ANAPC2: variants seen among roughly 807,000 people sequenced by gnomAD.
ANAPC2 encodes anaphase promoting complex subunit 2, also known as anaphase-promoting complex subunit 2.
A neutral mutation model predicts 84.3 loss-of-function variants in ANAPC2; 29 were observed. That is an observed-to-expected ratio of 0.34 (90% CI 0.26 to 0.47). The LOEUF (loss-of-function observed/expected upper bound fraction) is 0.47. ANAPC2 is among the 20% of genes least tolerant of loss of function. The pLI is 1.00. For synonymous variants in ANAPC2, 571 were observed against 479.4 expected (o/e 1.19, Z -2.50); for missense variants, 857 against 1,131.7 (o/e 0.76, Z 3.48).
At chr9:137,185,586 C>T (rs1241148506) in intron 3 of ANAPC2, among the ~76,000 whole-genome samples, 3 of 152,340 alleles carry the variant, frequency 2.0e-5, no homozygotes, top group Admixed American at 2.0e-4. Context: ...TCTTGCCCAC[C>T]GCTTTGGGGA....
rs779533020 is a variant in ANAPC2 at position 137,180,543 on chromosome 9, T to C, written c.1611-16A>G. On this transcript the variant is annotated splice_polypyrimidine_tract_variant and intron_variant, in intron 8 of 12. Transcript: ENST00000323927. ...GCGGATCTCCCTGGAAAGACGAGTGTCTGGGCAGGGGGTCGTGATGAGCCC... is the reference window on the plus strand; with the variant it reads ...GCGGATCTCCCTGGAAAGACGAGTGCCTGGGCAGGGGGTCGTGATGAGCCC... The C allele has an allele frequency of 4.3e-6, 7 of 1,612,738 alleles. No homozygotes were observed. Among genetic ancestry groups the C allele is most frequent in the Non-Finnish European group, 5.9e-6 (7 of 1,179,804 alleles).
At chr9:137,183,844 C>A (rs1197240947) in intron 4 of ANAPC2, 53 bp from the exon 5 acceptor site, 3 of 1,595,764 alleles carry the variant, frequency 1.9e-6, no homozygotes, top group African/African-American at 2.7e-5. Flanking sequence ...TGCGCACGTG[C>A]AGGCTGGTGC....
At position 137,175,850 on chromosome 9, in the gene ANAPC2, A is replaced by C; in HGVS notation, c.1891-13T>G. The C allele has an allele frequency of 6.3e-7, 1 of 1,597,862 alleles. No individual in the cohort carries two copies. The highest frequency in any genetic ancestry group is 8.5e-7 in the Non-Finnish European group (1 of 1,172,014). On this transcript the variant is annotated splice_polypyrimidine_tract_variant and intron_variant, in intron 10 of 12. Coordinates refer to ENST00000323927, the MANE Select transcript of ANAPC2 (RefSeq NM_013366.4). ...GGGTCCGCATGGCCTAAGGAGGGCCAGGGTCAGCACGGGCAGCTCGGCTGC... is the reference window on the plus strand; with the variant it reads ...GGGTCCGCATGGCCTAAGGAGGGCCCGGGTCAGCACGGGCAGCTCGGCTGC...
chr9:137,183,572 A>G, intron 5 of ANAPC2, 100 bp downstream of exon 5: 1 of 1,490,698 alleles, frequency 6.7e-7, no homozygotes, highest in Non-Finnish European at 8.9e-7. Flanking sequence ...TTAGACCTAC[A>G]AGTCCAGGGC....
intron 5 of ANAPC2, 75 bp downstream of exon 5, chr9:137,183,597 C>T: frequency 1.3e-6 from 2 of 1,546,452 alleles, no homozygotes; most frequent in South Asian, 2.4e-5. Flanking sequence ...AGACTAGGCC[C>T]CAGGCTCCCT....
intron 3 of ANAPC2, 76 bp downstream of exon 3, chr9:137,186,148 G>A: frequency 6.3e-7 from 1 of 1,578,292 alleles, no homozygotes; most frequent in Non-Finnish European, 8.6e-7. Flanking sequence ...GGATGCTTCT[G>A]AAGCCAGGTG....
At chr9:137,181,439 G>A (rs1834340456) in intron 7 of ANAPC2, among the ~76,000 whole-genome samples, 1 of 152,256 alleles carries the variant, frequency 6.6e-6, no homozygotes, top group Middle Eastern at 3.4e-3. Context: ...GCTCACAAGC[G>A]GTGGGAGGCA....
rs202008626 is a variant in ANAPC2, at chr9:137,184,919, C to T, written c.1042G>A (p.Val348Ile). 7.4e-6 allele frequency: 12 copies of T among 1,612,482 alleles called. 1 individual carries two copies. Among genetic ancestry groups the T allele is most frequent in the South Asian group, 4.4e-5 (4 of 90,980 alleles). The change falls in exon 4 of 13, where the codon GTC becomes ATC. Residue 348 changes from valine to isoleucine, a missense_variant. Around this residue, in one of 3 missense-constraint regions of ANAPC2, gnomAD observed 428 missense variants for 513.8 expected, o/e 0.83. Transcript: ENST00000323927. ...SLRIEELFSI[V>I]RDFPDSRPAI... The stretch of plus-strand genomic sequence containing the variant: ...AGGGCCGGGGCAGGACCACCTCGGA[C>T]GATGCTGAAGAGCTCCTCGATGCGC...
chr9:137,176,187 A>ATTT, intron 10 of ANAPC2: 1 of 170,218 alleles, frequency 5.9e-6, no homozygotes, highest in African/African-American at 3.9e-5. Context: ...AAGGAAAGAT[A>ATTT]GGAAGACACA....
rs377727702 is a variant in ANAPC2 at position 137,175,218 on chromosome 9, G to A, written c.2256+19C>T. The A allele has an allele frequency of 6.8e-6, 11 of 1,608,998 alleles. No homozygotes were observed. Among genetic ancestry groups the A allele is most frequent in the South Asian group, 3.3e-5 (3 of 90,622 alleles). On this transcript the variant is annotated intron_variant, in intron 12 of 12. Coordinates refer to ENST00000323927, the MANE Select transcript of ANAPC2 (RefSeq NM_013366.4). ...CCTCGCCCCCGCCCCCTGGCCCCCC[G>A]TGGGGCCTGCACGCGCACCAGCAGC...
chr9:137,180,293 G>A lies in ANAPC2; in HGVS notation c.1778C>T (p.Ala593Val), dbSNP rs1267278145. 1.2e-6 allele frequency: 2 copies of A among 1,613,534 alleles called. No individual in the cohort carries two copies. The highest frequency in any genetic ancestry group is 1.7e-6 in the Non-Finnish European group (2 of 1,180,050). The change falls in exon 10 of 13, where the codon GCT (alanine) becomes GTT (valine). Residue 593 changes from alanine to valine, a missense_variant. Ala to Val is a moderately conservative substitution (Grantham distance 64). Transcript: ENST00000323927. ...CCAGAACTCACTGGACAGGATGACAGCGTAGACCCCGAACGGTGGCTGCTC... is the reference window on the plus strand; with the variant it reads ...CCAGAACTCACTGGACAGGATGACAACGTAGACCCCGAACGGTGGCTGCTC... ...AEEQPPFGVY[A>V]VILSSEFWPP...
chr9:137,188,163 G>A (rs1192235510), intron 1 of ANAPC2, 60 bp from the exon 2 acceptor site: 5 of 1,559,110 alleles, frequency 3.2e-6, no homozygotes, highest in East Asian at 2.3e-5. Flanking sequence ...GAGAGGCGGG[G>A]AAGGGAAGAA....
rs1483992823 is a variant in ANAPC2, at chr9:137,180,946, A to C, written c.1469-17T>G. On this transcript the variant is annotated splice_polypyrimidine_tract_variant and intron_variant, in intron 7 of 12. Transcript: ENST00000323927. The stretch of plus-strand genomic sequence containing the variant: ...TCGACTTCCCTGGCATGGTGGGGGC[A>C]GGGGTGTCACCTGACAGGCACCTGG... 4 of 1,611,152 alleles carry C rather than the reference A, an allele frequency of 2.5e-6. No homozygotes were observed. The highest frequency in any genetic ancestry group is 1.7e-5 in the Admixed American group (1 of 59,976).
rs1374468520 is a variant in ANAPC2 at position 137,184,917 on chromosome 9, G to A, written c.1044C>T (p.Val348=). Reference sequence around the variant, plus strand: ...CCAGGGCCGGGGCAGGACCACCTCGGACGATGCTGAAGAGCTCCTCGATGC... The same window carrying A: ...CCAGGGCCGGGGCAGGACCACCTCGAACGATGCTGAAGAGCTCCTCGATGC... ...SLRIEELFSI[V]RDFPDSRPAI... is the part of the protein sequence containing the mutation. The change falls in exon 4 of 13, where the codon GTC becomes GTT. Residue 348 remains valine (V), a synonymous_variant. Transcript: ENST00000323927. The A allele has an allele frequency of 1.2e-6, 2 of 1,612,590 alleles. No homozygotes were observed. Among genetic ancestry groups the A allele is most frequent in the South Asian group, 2.2e-5 (2 of 91,002 alleles).
In ANAPC2 at chr9:137,180,898, G is replaced by A. The variant is rs777911287; in HGVS notation, c.1500C>T (p.Asp500=). Reference sequence around the variant, plus strand: ...AGATGCTGACCAGCAGGCTGATGATGTCCGATGAACGCCGCTTGGAGCTCG... The same window carrying A: ...AGATGCTGACCAGCAGGCTGATGATATCCGATGAACGCCGCTTGGAGCTCG... ...GKSSSKRRSS[D]IISLLVSIYG... The change falls in exon 8 of 13, where the codon GAC becomes GAT. Residue 500 remains aspartate, a synonymous_variant. Coordinates refer to ENST00000323927, the MANE Select transcript of ANAPC2 (RefSeq NM_013366.4). The A allele has an allele frequency of 6.2e-7, 1 of 1,613,522 alleles. No homozygotes were observed. Among genetic ancestry groups the A allele is most frequent in the Non-Finnish European group, 8.5e-7 (1 of 1,179,944 alleles).
Position 137,188,499 on chromosome 9 carries a change from T to C in ANAPC2, c.34A>G (p.Ser12Gly). ...AACTCCTGTCCGGGCCGGGAGTCGC[T>C]GTCCCCCTCCGCCACCACAACTGCC... Reference protein sequence around the residue: ...AAAVVVAEGDSDSRPGQELLV... With the variant: ...AAAVVVAEGDGDSRPGQELLV... The change falls in exon 1 of 13, where the codon AGC becomes GGC. Residue 12 changes from serine (S) to glycine (G), a missense_variant. By Grantham distance (56) the Ser-to-Gly change is moderately conservative. This residue lies in a region of ANAPC2 where 428 missense variants were observed against 513.8 expected (regional missense o/e 0.83). Transcript: ENST00000323927. 6 of 1,609,796 alleles carry C rather than the reference T, an allele frequency of 3.7e-6. No individual in the cohort carries two copies. Among genetic ancestry groups the C allele is most frequent in the Non-Finnish European group, 5.1e-6 (6 of 1,179,468 alleles).
In ANAPC2 at chr9:137,174,868, C is replaced by T. The variant is rs1332049518; in HGVS notation, c.*74G>A. 33 of 1,012,044 alleles carry T rather than the reference C, an allele frequency of 3.3e-5. 1 individual carries two copies. The highest frequency in any genetic ancestry group is 1.5e-4 in the African/African-American group (7 of 45,782). The allele number at this position is 1,012,044 out of a possible 1,614,324, so 62.7% of individuals were successfully genotyped here. Reference sequence around the variant, plus strand: ...CAGTGCATTCTGGGACACGGGCGGGCGGGGGCTGGCACGGGAGGACGAGAG... The same window carrying T: ...CAGTGCATTCTGGGACACGGGCGGGTGGGGGCTGGCACGGGAGGACGAGAG... On this transcript the variant is annotated 3_prime_UTR_variant, in exon 13 of 13. Transcript: ENST00000323927. This position sits in a 1 kb window ranked among gnomAD's most constrained non-coding sequence, Gnocchi z 6.1.
intron 6 of ANAPC2, among the ~76,000 whole-genome samples, chr9:137,182,806 G>C (rs924990971): frequency 6.6e-6 from 1 of 152,204 alleles, no homozygotes; most frequent in Non-Finnish European, 1.5e-5. Flanking sequence ...GTCGGCCTTG[G>C]GGACTGGTCA....
chr9:137,177,873 G>GC (rs1834258330), intron 10 of ANAPC2, among the ~76,000 whole-genome samples: 1 of 152,212 alleles, frequency 6.6e-6, no homozygotes, highest in African/African-American at 2.4e-5. Context: ...AGAGACCAGA[G>GC]CGAGGCACCC....
Sources: gnomAD v4.1 joint callset for allele counts (sites outside exome capture counted in the v4.1 genomes callset) on GRCh38, gnomAD v4.1.1 for gene constraint, gnomAD v4.1.1 regional missense constraint, Gnocchi (gnomAD v3.1) non-coding constraint, MANE v1.5 for transcripts, NCBI Gene and HGNC (gene_info 2026-07-23, HGNC 2026-07-21) for gene names.